SLC24A2: variants seen among roughly 807,000 people sequenced by gnomAD.
SLC24A2 encodes sodium/potassium/calcium exchanger 2.
SLC24A2 carries 36 observed loss-of-function variants against 62.0 expected under a neutral mutation model. The ratio of observed to expected loss-of-function variants is 0.58; its 90% CI spans 0.44 to 0.77. The LOEUF (loss-of-function observed/expected upper bound fraction) is 0.77. Among genes scored for constraint, SLC24A2 ranks in the 30% least tolerant of loss-of-function variants. The probability of loss-of-function intolerance (pLI) is 0.00; values close to 1 mark genes in which losing one functional copy is unlikely to be tolerated. For missense variants in SLC24A2, 846 were observed against 817.9 expected, an observed-to-expected ratio of 1.03 and a Z score of -0.42; for synonymous variants, 358 against 294.0, an observed-to-expected ratio of 1.22 and a Z score of -2.23.
the SLC24A2 span, among the ~76,000 whole-genome samples, chr9:20,214,025 C>T: frequency 5.9e-5 from 9 of 152,218 alleles, no homozygotes; most frequent in South Asian, 1.9e-3. Context: ...TCCATATTGT[C>T]GTGAGTGGCA....
the SLC24A2 span, among the ~76,000 whole-genome samples, chr9:20,191,718 G>T: frequency 2.6e-5 from 4 of 151,486 alleles, no homozygotes; most frequent in African/African-American, 7.3e-5. Flanking sequence ...AAATGTGGTG[G>T]TAAGTGCCCT....
chr9:20,187,375 C>T, the SLC24A2 span, among the ~76,000 whole-genome samples: 1 of 152,142 alleles, frequency 6.6e-6, no homozygotes, highest in African/African-American at 2.4e-5. Context: ...GAATTCTCTG[C>T]CTTTATTTTC....
Position 19,508,480 on chromosome 9 carries a change from A to G in SLC24A2, c.*7673T>C, listed in dbSNP as rs1268947538. 1 of 152,188 alleles carries G rather than the reference A, an allele frequency of 6.6e-6. No homozygotes were observed. The highest frequency in any genetic ancestry group is 1.9e-4 in the East Asian group (1 of 5,202). 9.4% of individuals were successfully genotyped at this position (152,188 alleles called of 1,614,324 possible). A position where few individuals can be genotyped will look rare whatever the true frequency, so the allele number is the denominator to read the frequency against. ...ATTTCTAGACTATTAAGTGCTTTTTAGTAATTACTTTTACTCAAATTACAT... is the reference window on the plus strand; with the variant it reads ...ATTTCTAGACTATTAAGTGCTTTTTGGTAATTACTTTTACTCAAATTACAT... On this transcript the variant is annotated 3_prime_UTR_variant, in exon 11 of 11. Coordinates refer to ENST00000341998, the MANE Select transcript of SLC24A2 (RefSeq NM_020344.4).
chr9:20,062,966 G>A, the SLC24A2 span, among the ~76,000 whole-genome samples: 1 of 117,240 alleles, frequency 8.5e-6, no homozygotes, highest in Non-Finnish European at 1.7e-5. Flanking sequence ...CAGTTAGAAT[G>A]ACGATCATTA....
the SLC24A2 span, among the ~76,000 whole-genome samples, chr9:19,950,184 T>G: frequency 1.3e-5 from 2 of 152,218 alleles, no homozygotes; most frequent in Non-Finnish European, 2.9e-5. Flanking sequence ...CTTTCTTATC[T>G]GTAAATTAAG....
the SLC24A2 span, among the ~76,000 whole-genome samples, chr9:19,850,984 T>TATATATATACATATATATATATATATAC: frequency 6.5e-5 from 2 of 30,538 alleles, no homozygotes; most frequent in Non-Finnish European, 7.2e-5. Flanking sequence ...TATATATATA[T>TATATATATACATATATATATATATATAC]GTATATATAT....
the SLC24A2 span, among the ~76,000 whole-genome samples, chr9:19,838,632 C>G: frequency 5.4e-5 from 8 of 149,230 alleles, no homozygotes; most frequent in Non-Finnish European, 1.5e-5. Context: ...GAGGGAGACT[C>G]TGGTCTCAAA....
At chr9:19,773,391 T>C (rs529269198) in intron 2 of SLC24A2, among the ~76,000 whole-genome samples, 2 of 152,186 alleles carry the variant, frequency 1.3e-5, no homozygotes, top group Non-Finnish European at 2.9e-5. Context: ...GAGAACTATT[T>C]TGGGCCACAG....
chr9:19,578,033 G>A (rs1311842763), intron 5 of SLC24A2, among the ~76,000 whole-genome samples: 4 of 151,578 alleles, frequency 2.6e-5, no homozygotes, highest in East Asian at 1.9e-4. Flanking sequence ...TGGGAGCTAA[G>A]CTATGAGGAT....
At chr9:20,222,261 C>A in the SLC24A2 span, among the ~76,000 whole-genome samples, 2 of 150,564 alleles carry the variant, frequency 1.3e-5, no homozygotes, top group South Asian at 2.1e-4. Flanking sequence ...ATTGGTGTAC[C>A]AGAAGAAAGG....
chr9:19,988,387 C>T, the SLC24A2 span, among the ~76,000 whole-genome samples: 1 of 152,184 alleles, frequency 6.6e-6, no homozygotes, highest in East Asian at 1.9e-4. Context: ...GCTCTTCTTA[C>T]TCCAGTTCAC....
At chr9:19,559,512 A>AAT (rs1290384062) in intron 7 of SLC24A2, among the ~76,000 whole-genome samples, 1 of 152,218 alleles carries the variant, frequency 6.6e-6, no homozygotes, top group Non-Finnish European at 1.5e-5. Context: ...CAAGACTCAT[A>AAT]ATATTGTGAC....
the SLC24A2 span, among the ~76,000 whole-genome samples, chr9:20,165,097 C>T: frequency 6.6e-6 from 1 of 151,378 alleles, no homozygotes. Context: ...AACTAACCTG[C>T]ACATTGTGCA....
chr9:19,535,726 AC>A (rs1206626588), intron 8 of SLC24A2, among the ~76,000 whole-genome samples: 3 of 152,132 alleles, frequency 2.0e-5, no homozygotes, highest in African/African-American at 7.2e-5. Flanking sequence ...CTGTTGTGGT[AC>A]CAGTACCATG....
the SLC24A2 span, among the ~76,000 whole-genome samples, chr9:20,208,821 T>C: frequency 6.6e-6 from 1 of 152,214 alleles, no homozygotes; most frequent in Non-Finnish European, 1.5e-5. Flanking sequence ...TCCTCCTTAA[T>C]GGCTGCCTCC....
chr9:20,083,710 A>C, the SLC24A2 span, among the ~76,000 whole-genome samples: 2 of 152,210 alleles, frequency 1.3e-5, no homozygotes, highest in Non-Finnish European at 2.9e-5. Flanking sequence ...AAAAAATAAA[A>C]CAACTCTTCG....
chr9:19,523,372 G>A (rs1164486034), intron 9 of SLC24A2, among the ~76,000 whole-genome samples: 1 of 152,156 alleles, frequency 6.6e-6, no homozygotes, highest in Non-Finnish European at 1.5e-5. Flanking sequence ...TATCCACTCA[G>A]AATTGTTGAT....
At chr9:19,576,331 C>T (rs1470098942) in intron 6 of SLC24A2, among the ~76,000 whole-genome samples, 2 of 152,154 alleles carry the variant, frequency 1.3e-5, no homozygotes, top group Non-Finnish European at 2.9e-5. Context: ...AATAAGATGC[C>T]TGAATGTCAC....
At chr9:19,897,752 C>A in the SLC24A2 span, among the ~76,000 whole-genome samples, 112 of 152,104 alleles carry the variant, frequency 7.4e-4, 2 homozygotes, top group Admixed American at 7.3e-3. Flanking sequence ...AATGAGGTAA[C>A]TGAAGATGTT....
Sources: gnomAD v4.1 joint callset for allele counts (sites outside exome capture counted in the v4.1 genomes callset) on GRCh38, gnomAD v4.1.1 for gene constraint, MANE v1.5 for transcripts, NCBI Gene and HGNC (gene_info 2026-07-23, HGNC 2026-07-21) for gene names.